SLMAP: variants seen among roughly 807,000 people sequenced by gnomAD.
SLMAP encodes the protein sarcolemma associated protein, also known as sarcolemmal membrane-associated protein.
Under a neutral mutation model 128.8 loss-of-function variants are expected in SLMAP, and 44 were observed. The observed-to-expected ratio is 0.34, with a 90% CI of 0.27 to 0.44. The LOEUF (loss-of-function observed/expected upper bound fraction) is 0.44. Ranked by LOEUF, SLMAP falls within the 20% of genes least tolerant of loss-of-function variation. SLMAP has a pLI of 1.00. For synonymous variants in SLMAP, 327 were observed against 348.8 expected, an observed-to-expected ratio of 0.94 and a Z score of 0.70; for missense variants, 787 against 985.3, an observed-to-expected ratio of 0.80 and a Z score of 2.69.
Position 57,777,465 on chromosome 3 carries a change from A to G in SLMAP, c.198+19616A>G, listed in dbSNP as rs558383799. On this transcript the variant is annotated intron_variant, in intron 2 of 24. Coordinates refer to ENST00000671191, the MANE Select transcript of SLMAP (RefSeq NM_001377540.1). Reference sequence around the variant, plus strand: ...CCAGGCGCAGTGGCACTTGCTTTGTAGTCCCAGCTACTTGGGGGCTAAGAC... The same window carrying G: ...CCAGGCGCAGTGGCACTTGCTTTGTGGTCCCAGCTACTTGGGGGCTAAGAC... Among the ~76,000 whole-genome samples, 3 of 152,260 alleles carry G rather than the reference A, an allele frequency of 2.0e-5. No homozygotes were observed. In the South Asian group the frequency reaches 6.2e-4, roughly 32 times the overall value.
chr3:57,868,135 C>T (rs1187119255), intron 13 of SLMAP, among the ~76,000 whole-genome samples: 1 of 151,952 alleles, frequency 6.6e-6, no homozygotes, highest in Non-Finnish European at 1.5e-5. Context: ...GTGGTGTGCA[C>T]CTGTAGACCC....
rs2095091482 is a variant in SLMAP, at chr3:57,862,030, G to A, written c.910G>A (p.Ala304Thr). The A allele has an allele frequency of 6.3e-7, 1 of 1,599,656 alleles. No homozygotes were observed. ...GACTCAGGAAGAATTAAGAGAATTAGCCAACAAATATAATGGAGCAGTTAA... is the reference window on the plus strand; with the variant it reads ...GACTCAGGAAGAATTAAGAGAATTAACCAACAAATATAATGGAGCAGTTAA... ...ERTQEELREL[A>T]NKYNGAVNEI... The change falls in exon 10 of 25, where the codon GCC (alanine) becomes ACC (threonine). Residue 304 changes from alanine to threonine, a missense_variant. Physicochemically the swap from Ala to Thr is moderately conservative, Grantham distance 58. Coordinates refer to ENST00000671191, the MANE Select transcript of SLMAP (RefSeq NM_001377540.1).
intron 2 of SLMAP, among the ~76,000 whole-genome samples, chr3:57,791,180 AC>A (rs1272494818): frequency 1.3e-5 from 2 of 151,992 alleles, no homozygotes; most frequent in African/African-American, 4.8e-5. Context: ...ACATGGCGAA[AC>A]CCCATCTCTA....
At chr3:57,812,185 T>C (rs2091099577) in intron 2 of SLMAP, among the ~76,000 whole-genome samples, 1 of 152,232 alleles carries the variant, frequency 6.6e-6, no homozygotes, top group South Asian at 2.1e-4. Flanking sequence ...TGTTTTCTTT[T>C]AAGAATTTTA....
At chr3:57,823,277 T>G (rs950929157) in intron 2 of SLMAP, among the ~76,000 whole-genome samples, 1 of 152,214 alleles carries the variant, frequency 6.6e-6, no homozygotes, top group Non-Finnish European at 1.5e-5. Context: ...CGTGCAGGTT[T>G]GTTACATGTA....
chr3:57,874,486 C>G (rs982048646), intron 14 of SLMAP, among the ~76,000 whole-genome samples: 3 of 151,868 alleles, frequency 2.0e-5, no homozygotes, highest in Non-Finnish European at 4.4e-5. Context: ...TGCCGGTAGT[C>G]CCAGCTACTC....
At chr3:57,798,369 T>G (rs60629425) in intron 2 of SLMAP, among the ~76,000 whole-genome samples, 1 of 152,322 alleles carries the variant, frequency 6.6e-6, no homozygotes, top group African/African-American at 2.4e-5. Flanking sequence ...TGAGGGTATT[T>G]TGTAGTCCTT....
chr3:57,809,964 G>A (rs185154608), intron 2 of SLMAP, among the ~76,000 whole-genome samples: 1 of 152,312 alleles, frequency 6.6e-6, no homozygotes, highest in African/African-American at 2.4e-5. Flanking sequence ...AACACAAACA[G>A]GGCTGAAACA....
intron 17 of SLMAP, among the ~76,000 whole-genome samples, chr3:57,904,937 C>G (rs955938621): frequency 3.9e-5 from 6 of 152,116 alleles, no homozygotes; most frequent in African/African-American, 1.4e-4. Flanking sequence ...CATGGTGGCA[C>G]GTGCCTGCAG....
intron 2 of SLMAP, among the ~76,000 whole-genome samples, chr3:57,796,003 A>G (rs2086652947): frequency 1.3e-5 from 2 of 152,168 alleles, no homozygotes; most frequent in Admixed American, 1.3e-4. Flanking sequence ...TTATTTTTAT[A>G]AGTAATTTTT....
chr3:57,882,847 G>A (rs1187200179), intron 14 of SLMAP, among the ~76,000 whole-genome samples: 1 of 152,116 alleles, frequency 6.6e-6, no homozygotes, highest in East Asian at 1.9e-4. Flanking sequence ...ATGTCAGTAT[G>A]TAGATCTTCA....
At chr3:57,835,581 T>G (rs998827866) in intron 3 of SLMAP, among the ~76,000 whole-genome samples, 2 of 152,154 alleles carry the variant, frequency 1.3e-5, no homozygotes, top group African/African-American at 4.8e-5. Context: ...AGAAAGACCA[T>G]GCAACTGTAT....
At position 57,925,953 on chromosome 3, in the gene SLMAP, A is replaced by C. The variant is rs1463655377; in HGVS notation, c.*6+19A>C. On this transcript the variant is annotated intron_variant, in intron 24 of 24. Coordinates refer to ENST00000671191, the MANE Select transcript of SLMAP (RefSeq NM_001377540.1). ...GAGAAAGGTACAAGCACTATTGTTG[A>C]GTCCTTGTCTGTTTGTCCCCGTCAC... 2.6e-6 allele frequency: 4 copies of C among 1,517,604 alleles called. No homozygotes were observed. The highest frequency in any genetic ancestry group is 3.6e-6 in the Non-Finnish European group (4 of 1,116,800). The allele number at this position is 1,517,604 out of a possible 1,614,324, so 94.0% of individuals were successfully genotyped here. A position where few individuals can be genotyped will look rare whatever the true frequency, so the allele number is the denominator to read the frequency against.
At chr3:57,870,442 T>C (rs762446261) in intron 13 of SLMAP, among the ~76,000 whole-genome samples, 3 of 152,204 alleles carry the variant, frequency 2.0e-5, no homozygotes, top group Non-Finnish European at 4.4e-5. Flanking sequence ...AGGTATGTAG[T>C]GCATTGGTCT....
intron 2 of SLMAP, among the ~76,000 whole-genome samples, chr3:57,821,625 T>C (rs931934561): frequency 6.6e-6 from 1 of 152,206 alleles, no homozygotes; most frequent in Non-Finnish European, 1.5e-5. Context: ...AAATTGTTGG[T>C]GGCAAAAGTG....
intron 2 of SLMAP, among the ~76,000 whole-genome samples, chr3:57,762,396 A>G (rs552076637): frequency 1.3e-5 from 2 of 152,094 alleles, no homozygotes; most frequent in Non-Finnish European, 1.5e-5. Context: ...TGGAAGAAAT[A>G]ATAAACACTT....
chr3:57,769,594 G>A (rs1057450601), intron 2 of SLMAP, among the ~76,000 whole-genome samples: 8 of 152,092 alleles, frequency 5.3e-5, no homozygotes, highest in Non-Finnish European at 1.2e-4. Flanking sequence ...AAAGTGTTAG[G>A]ATTACAGGGT....
chr3:57,919,878 C>T (rs889397385), intron 22 of SLMAP, among the ~76,000 whole-genome samples: 6 of 152,128 alleles, frequency 3.9e-5, no homozygotes, highest in African/African-American at 1.4e-4. Context: ...TTGGCTTTAC[C>T]TTCTTGCCGT....
intron 2 of SLMAP, among the ~76,000 whole-genome samples, chr3:57,831,057 A>G (rs956206748): frequency 6.6e-6 from 1 of 152,148 alleles, no homozygotes; most frequent in Non-Finnish European, 1.5e-5. Flanking sequence ...TTATGAGAAC[A>G]TGTTTTTAGT....
Sources: gnomAD v4.1 joint callset for allele counts (sites outside exome capture counted in the v4.1 genomes callset) on GRCh38, gnomAD v4.1.1 for gene constraint, MANE v1.5 for transcripts, NCBI Gene and HGNC (gene_info 2026-07-23, HGNC 2026-07-21) for gene names.